The following COLGALT2 variants were observed in gnomAD, a reference collection of about 807,000 sequenced individuals.
The protein encoded by COLGALT2 is procollagen galactosyltransferase 2.
In COLGALT2, 49 loss-of-function variants were observed where a neutral mutation model predicts 73.4. The ratio of observed to expected loss-of-function variants is 0.67; its 90% confidence interval spans 0.53 to 0.85. COLGALT2 has a LOEUF of 0.85. Ranked by LOEUF, COLGALT2 falls within the 40% of genes least tolerant of loss-of-function variation. COLGALT2 has a pLI of 0.00. For synonymous variants in COLGALT2, 295 were observed against 307.6 expected, an observed-to-expected ratio of 0.96 and a Z score of 0.43; for missense variants, 722 against 790.2, an observed-to-expected ratio of 0.91 and a Z score of 1.03.
chr1:183,996,096 T>C (rs999397493), intron 1 of COLGALT2, among the ~76,000 whole-genome samples: 19 of 152,212 alleles, frequency 1.2e-4, no homozygotes, highest in African/African-American at 4.1e-4. Context: ...TGACCTCCAA[T>C]GCCTTGTACG....
chr1:184,028,917 C>A (rs1459724443), intron 1 of COLGALT2, among the ~76,000 whole-genome samples: 3 of 152,188 alleles, frequency 2.0e-5, no homozygotes, highest in Non-Finnish European at 2.9e-5. Context: ...CCTTAGCTTG[C>A]TGAATTTGAC....
At chr1:184,011,573 G>A (rs1041180871) in intron 1 of COLGALT2, among the ~76,000 whole-genome samples, 11 of 152,156 alleles carry the variant, frequency 7.2e-5, no homozygotes, top group Non-Finnish European at 1.2e-4. Context: ...GTGCAAACCC[G>A]GCTTCCTTGT....
At chr1:184,002,301 C>G (rs1333424249) in intron 1 of COLGALT2, among the ~76,000 whole-genome samples, 1 of 152,234 alleles carries the variant, frequency 6.6e-6, no homozygotes, top group African/African-American at 2.4e-5. Context: ...GAGAAGAAAC[C>G]TGGGCTAGAC....
chr1:183,974,341 T>C (rs778229529), intron 3 of COLGALT2, among the ~76,000 whole-genome samples: 5 of 152,214 alleles, frequency 3.3e-5, no homozygotes, highest in Admixed American at 2.6e-4. Flanking sequence ...ATAATCATAC[T>C]GAACTATACA....
chr1:184,023,732 C>T (rs1045731823), intron 1 of COLGALT2, among the ~76,000 whole-genome samples: 1 of 151,846 alleles, frequency 6.6e-6, no homozygotes, highest in South Asian at 2.1e-4. Flanking sequence ...TAACCAAATA[C>T]CTGCAACACG....
intron 1 of COLGALT2, among the ~76,000 whole-genome samples, chr1:184,021,661 T>C (rs375966226): frequency 1.3e-5 from 2 of 152,170 alleles, no homozygotes; most frequent in African/African-American, 2.4e-5. Context: ...TATTCTATTA[T>C]AGCAGCACAA....
chr1:183,930,337 G>C, intron 11 of COLGALT2: 1 of 454,942 alleles, frequency 2.2e-6, no homozygotes, highest in Non-Finnish European at 4.4e-6. Context: ...GCTGAAAGGA[G>C]AAAATACTAG....
chr1:184,020,251 T>C (rs1375597651), intron 1 of COLGALT2, among the ~76,000 whole-genome samples: 1 of 152,176 alleles, frequency 6.6e-6, no homozygotes, highest in Non-Finnish European at 1.5e-5. Context: ...AGGTAGCAGA[T>C]TTGCTAATAT....
At chr1:183,943,737 C>G (rs1282182304) in intron 10 of COLGALT2, among the ~76,000 whole-genome samples, 1 of 152,158 alleles carries the variant, frequency 6.6e-6, no homozygotes. Flanking sequence ...CCTGGCTGAC[C>G]CTCTAACCTC....
At chr1:183,991,772 T>C (rs751411) in intron 1 of COLGALT2, among the ~76,000 whole-genome samples, 15,550 of 152,224 alleles carry the variant, frequency 0.1, 952 homozygotes, top group Admixed American at 0.17. Context: ...CCACAGTAAA[T>C]TGAAGAGTCC....
At chr1:183,989,557 G>C (rs1411030429) in intron 1 of COLGALT2, among the ~76,000 whole-genome samples, 1 of 152,208 alleles carries the variant, frequency 6.6e-6, no homozygotes, top group Non-Finnish European at 1.5e-5. Flanking sequence ...TGAGGACTGG[G>C]AGAAAGCTGA....
intron 1 of COLGALT2, 45 bp downstream of exon 1, chr1:184,037,050 G>A (rs1293086887): frequency 7.2e-6 from 10 of 1,393,614 alleles, no homozygotes; most frequent in Non-Finnish European, 9.3e-6. Flanking sequence ...TGGGCAGGCC[G>A]CCCCCGCGTC....
chr1:183,969,945 C>T (rs1033625209), intron 4 of COLGALT2, among the ~76,000 whole-genome samples: 1 of 152,154 alleles, frequency 6.6e-6, no homozygotes, highest in Non-Finnish European at 1.5e-5. Context: ...CTATCTACTC[C>T]ATGGGGTTAG....
intron 10 of COLGALT2, among the ~76,000 whole-genome samples, chr1:183,943,266 G>A (rs1426691422): frequency 5.3e-5 from 8 of 152,168 alleles, no homozygotes; most frequent in East Asian, 1.9e-4. Flanking sequence ...GTTAAATACC[G>A]CCTGTGGGTG....
intron 2 of COLGALT2, among the ~76,000 whole-genome samples, chr1:183,977,933 G>T (rs909341257): frequency 6.6e-6 from 1 of 152,078 alleles, no homozygotes; most frequent in Non-Finnish European, 1.5e-5. Context: ...ACCTAAATGA[G>T]CATCAGTAGG....
intron 1 of COLGALT2, among the ~76,000 whole-genome samples, chr1:184,009,119 C>A (rs1222835967): frequency 6.6e-6 from 1 of 152,146 alleles, no homozygotes; most frequent in East Asian, 1.9e-4. Flanking sequence ...ATCTAATAGA[C>A]AAGAAGTATA....
intron 10 of COLGALT2, among the ~76,000 whole-genome samples, chr1:183,941,808 T>A (rs1670120671): frequency 6.6e-6 from 1 of 152,230 alleles, no homozygotes; most frequent in South Asian, 2.1e-4. Context: ...GAAACTCTTA[T>A]CGAGCACTTG....
At chr1:183,967,257 C>A (rs1670906280) in intron 5 of COLGALT2, among the ~76,000 whole-genome samples, 1 of 152,252 alleles carries the variant, frequency 6.6e-6, no homozygotes, top group Non-Finnish European at 1.5e-5. Context: ...CACCGCCAGT[C>A]TGGCCCTTAG....
chr1:183,980,568 A>G (rs2102821440), intron 1 of COLGALT2, among the ~76,000 whole-genome samples: 1 of 152,230 alleles, frequency 6.6e-6, no homozygotes, highest in South Asian at 2.1e-4. Flanking sequence ...AAGAGAGTAA[A>G]CAGGAAAAAA....
Sources: gnomAD v4.1 joint callset for allele counts (sites outside exome capture counted in the v4.1 genomes callset) on GRCh38, gnomAD v4.1.1 for gene constraint, MANE v1.5 for transcripts, NCBI Gene and HGNC (gene_info 2026-07-23, HGNC 2026-07-21) for gene names.